Variants in RAP1GAP2 observed in about 807,000 individuals in gnomAD.
The protein encoded by RAP1GAP2 is RAP1 GTPase activating protein 2.
In RAP1GAP2, 27 loss-of-function variants were observed where a neutral mutation model predicts 95.0. The observed-to-expected ratio is 0.28, with a 90% CI of 0.21 to 0.39. RAP1GAP2 has a LOEUF of 0.39. Among genes scored for constraint, RAP1GAP2 ranks in the 10% least tolerant of loss-of-function variants. The pLI is 1.00. For synonymous variants in RAP1GAP2, 373 were observed against 380.9 expected (o/e 0.98, Z 0.24); for missense variants, 771 against 970.0 (o/e 0.79, Z 2.72).
intron 1 of RAP1GAP2, among the ~76,000 whole-genome samples, chr17:2,789,607 T>TAAAA (rs546111176): frequency 1.5e-4 from 11 of 74,818 alleles, no homozygotes; most frequent in Non-Finnish European, 1.9e-4. Context: ...CAGTCTCTAC[T>TAAAA]AAAAAAAAAA....
At chr17:2,929,097 G>A (rs766821333) in intron 3 of RAP1GAP2, among the ~76,000 whole-genome samples, 11 of 152,184 alleles carry the variant, frequency 7.2e-5, no homozygotes, top group Admixed American at 1.3e-4. Flanking sequence ...GTTGGGCATG[G>A]AGGTGCACCC....
At position 2,796,645 on chromosome 17, in the gene RAP1GAP2, G is replaced by A. The variant is rs182580071; in HGVS notation, c.44+74G>A. ...GTGAAGTCTTGTTAAGTGCATTGGC[G>A]GCCGTGGGAACAGAGGGGCTCGGGC... is the stretch of plus-strand genomic sequence containing the variant. On this transcript the variant is annotated intron_variant, in intron 1 of 24. Coordinates refer to ENST00000254695, the MANE Select transcript of RAP1GAP2 (RefSeq NM_015085.5). This position sits in a 1 kb window ranked among gnomAD's most constrained non-coding sequence, Gnocchi z 4.7. 7.2e-4 allele frequency: 1,095 copies of A among 1,510,840 alleles called. 1 individual carries two copies. Among genetic ancestry groups the A allele is most frequent in the Non-Finnish European group, 9.1e-4 (1,012 of 1,110,244 alleles). The allele number at this position is 1,510,840 out of a possible 1,614,324, so 93.6% of individuals were successfully genotyped here. A position where few individuals can be genotyped will look rare whatever the true frequency, so the allele number is the denominator to read the frequency against.
intron 4 of RAP1GAP2, among the ~76,000 whole-genome samples, chr17:2,958,440 C>T (rs2044198813): frequency 6.6e-6 from 1 of 152,096 alleles, no homozygotes; most frequent in South Asian, 2.1e-4. Flanking sequence ...GTGCAGAGGC[C>T]CGGCAGGGTT....
At chr17:2,992,029 G>A (rs1372145019) in intron 12 of RAP1GAP2, among the ~76,000 whole-genome samples, 1 of 152,170 alleles carries the variant, frequency 6.6e-6, no homozygotes, top group African/African-American at 2.4e-5. Flanking sequence ...GCCTCCCAAA[G>A]TGCTAGGATT....
chr17:2,867,657 G>A lies in RAP1GAP2; in HGVS notation c.81-37627G>A, dbSNP rs1055135085. ...GGTCTTACGCCCACCGCTGGTTCCC[G>A]GGATGCAGGGACTTGGCTGGGAGTA... On this transcript the variant is annotated intron_variant, in intron 2 of 24. Coordinates refer to ENST00000254695, the MANE Select transcript of RAP1GAP2 (RefSeq NM_015085.5). The surrounding 1 kb of genome is among the most constrained non-coding windows in gnomAD (Gnocchi z 4.5). 2.0e-5 allele frequency among the ~76,000 whole-genome samples: 3 copies of A among 152,174 alleles called. No homozygotes were observed. The highest frequency in any genetic ancestry group is 4.4e-5 in the Non-Finnish European group (3 of 68,028).
chr17:2,984,869 T>C, intron 10 of RAP1GAP2, 114 bp from the exon 11 acceptor site: 1 of 1,525,956 alleles, frequency 6.6e-7, no homozygotes, highest in Non-Finnish European at 8.8e-7. Flanking sequence ...TGTGGATGTT[T>C]CATACCAGGG....
chr17:2,977,277 A>G (rs901469651), intron 8 of RAP1GAP2, among the ~76,000 whole-genome samples: 4 of 151,998 alleles, frequency 2.6e-5, no homozygotes, highest in Non-Finnish European at 5.9e-5. Flanking sequence ...ATATAAACAT[A>G]TAAATTTCCA....
chr17:2,805,824 A>C (rs972148725), intron 2 of RAP1GAP2, among the ~76,000 whole-genome samples: 1 of 152,128 alleles, frequency 6.6e-6, no homozygotes, highest in Non-Finnish European at 1.5e-5. Context: ...ACCGTCATGC[A>C]CAGGGGCTGG....
At chr17:2,830,975 T>TTCCCC (rs1248993376) in intron 2 of RAP1GAP2, among the ~76,000 whole-genome samples, 1 of 44,604 alleles carries the variant, frequency 2.2e-5, no homozygotes, top group African/African-American at 8.8e-5. Flanking sequence ...CTTCCCTCCC[T>TTCCCC]TCCCCTACCC....
At chr17:2,824,741 A>T in intron 2 of RAP1GAP2, among the ~76,000 whole-genome samples, 1 of 124,706 alleles carries the variant, frequency 8.0e-6, no homozygotes, top group East Asian at 2.1e-4. Flanking sequence ...ACTCTGTCTC[A>T]AAAAAAAAAA....
At chr17:3,022,948 G>A (rs184428191) in intron 19 of RAP1GAP2, among the ~76,000 whole-genome samples, 1 of 152,228 alleles carries the variant, frequency 6.6e-6, no homozygotes, top group Admixed American at 6.5e-5. Context: ...TCTGTATATG[G>A]TTATCCAGTT....
At chr17:2,786,343 G>A (rs938320119) in intron 1 of RAP1GAP2, among the ~76,000 whole-genome samples, 1 of 152,214 alleles carries the variant, frequency 6.6e-6, no homozygotes, top group African/African-American at 2.4e-5. Context: ...GCAGGAGGAG[G>A]ATTTCCCCCT....
At chr17:2,766,656 C>G (rs1017496898) in intron 1 of RAP1GAP2, among the ~76,000 whole-genome samples, 2 of 151,844 alleles carry the variant, frequency 1.3e-5, no homozygotes, top group Admixed American at 6.6e-5. Context: ...TGTCTGTATA[C>G]GAAGATGCAT....
intron 2 of RAP1GAP2, among the ~76,000 whole-genome samples, chr17:2,899,344 C>CT (rs1178641921): frequency 2.0e-5 from 3 of 151,952 alleles, no homozygotes; most frequent in African/African-American, 7.3e-5. Context: ...GTAGCTGGGA[C>CT]TACAGGTGCT....
intron 3 of RAP1GAP2, among the ~76,000 whole-genome samples, chr17:2,931,551 G>A (rs1021350957): frequency 6.6e-6 from 1 of 152,230 alleles, no homozygotes; most frequent in Non-Finnish European, 1.5e-5. Context: ...GCAAAAGGGG[G>A]TGGGGCAATC....
At chr17:2,846,328 T>C (rs2071587285) in intron 2 of RAP1GAP2, among the ~76,000 whole-genome samples, 1 of 152,184 alleles carries the variant, frequency 6.6e-6, no homozygotes, top group Admixed American at 6.6e-5. Context: ...TTCCCCTTTA[T>C]TATTGGGTCG....
At chr17:2,793,967 G>T (rs1597319052), upstream of RAP1GAP2, among the ~76,000 whole-genome samples, 1 of 152,008 alleles carries the variant, frequency 6.6e-6, no homozygotes, top group South Asian at 2.1e-4. Flanking sequence ...TGGGCGTGGT[G>T]GCGGGCGCCT....
chr17:2,853,037 G>C (rs2071941083), intron 2 of RAP1GAP2, among the ~76,000 whole-genome samples: 1 of 152,162 alleles, frequency 6.6e-6, no homozygotes, highest in Non-Finnish European at 1.5e-5. Flanking sequence ...CCAGGAGGAA[G>C]CGGGGTCGCC....
chr17:2,806,403 ATTAT>A (rs1337356041), intron 2 of RAP1GAP2, among the ~76,000 whole-genome samples: 1 of 148,836 alleles, frequency 6.7e-6, no homozygotes, highest in African/African-American at 2.5e-5. Context: ...TATTATTATT[ATTAT>A]TTTGAGAGGG....
Sources: gnomAD v4.1 joint callset for allele counts (sites outside exome capture counted in the v4.1 genomes callset) on GRCh38, gnomAD v4.1.1 for gene constraint, Gnocchi (gnomAD v3.1) non-coding constraint, MANE v1.5 for transcripts, NCBI Gene and HGNC (gene_info 2026-07-23, HGNC 2026-07-21) for gene names.